CATSPERE: variants seen among roughly 807,000 people sequenced by gnomAD.
The protein encoded by CATSPERE is catsper channel auxiliary subunit epsilon, also known as cation channel sperm-associated auxiliary subunit epsilon.
A neutral mutation model predicts 114.1 loss-of-function variants in CATSPERE; 93 were observed. The observed-to-expected ratio is 0.81, with a 90% CI of 0.69 to 0.97. The LOEUF (loss-of-function observed/expected upper bound fraction) is 0.97. Ranked by LOEUF, CATSPERE falls within the 50% of genes least tolerant of loss-of-function variation. CATSPERE has a pLI of 0.00. For synonymous variants in CATSPERE, 341 were observed against 384.1 expected (o/e 0.89, Z 1.31); for missense variants, 1,058 against 1,131.6 (o/e 0.93, Z 0.93).
At chr1:244,566,280 C>G (rs1663475055) in intron 10 of CATSPERE, among the ~76,000 whole-genome samples, 1 of 152,118 alleles carries the variant, frequency 6.6e-6, no homozygotes, top group Non-Finnish European at 1.5e-5. Context: ...TGATGTGGTG[C>G]TGAGAAGAAC....
intron 17 of CATSPERE, among the ~76,000 whole-genome samples, chr1:244,596,363 C>A (rs1485468383): frequency 6.6e-6 from 1 of 152,174 alleles, no homozygotes; most frequent in Non-Finnish European, 1.5e-5. Flanking sequence ...TGCGATAGCC[C>A]TGCTCCGTCT....
Position 244,617,591 on chromosome 1 carries a change from G to T in CATSPERE, c.2553G>T (p.Glu851Asp), listed in dbSNP as rs1671558936. 1 of 1,543,594 alleles carries T rather than the reference G, an allele frequency of 6.5e-7. No homozygotes were observed. Among genetic ancestry groups the T allele is most frequent in the African/African-American group, 1.4e-5 (1 of 72,294 alleles). The change falls in exon 20 of 22, where the codon GAG (glutamate) becomes GAT (aspartate). Residue 851 changes from glutamate to aspartate, a missense_variant. Around this residue, in one of 2 missense-constraint regions of CATSPERE, gnomAD observed 787 missense variants for 905.6 expected, o/e 0.87. Coordinates refer to ENST00000366534, the MANE Select transcript of CATSPERE (RefSeq NM_001130957.2). ...CAGGAGACTTAAATCAACCATACGA[G>T]ATTATCAACAGTTCTAATGGTAACC... ...GKPGDLNQPY[E>D]IINSSNGNHI...
At chr1:244,502,379 G>A (rs1674186219) in intron 7 of CATSPERE, among the ~76,000 whole-genome samples, 2 of 151,800 alleles carry the variant, frequency 1.3e-5, no homozygotes, top group Admixed American at 6.6e-5. Context: ...ATAAAGTTGA[G>A]TTTTTGTTTC....
upstream of CATSPERE, among the ~76,000 whole-genome samples, chr1:244,456,739 G>A (rs1666195810): frequency 6.6e-6 from 1 of 152,138 alleles, no homozygotes; most frequent in African/African-American, 2.4e-5. Context: ...CACATGGACA[G>A]CCATGCCCCT....
chr1:244,534,694 T>C (rs1680112771), intron 8 of CATSPERE, among the ~76,000 whole-genome samples: 1 of 152,312 alleles, frequency 6.6e-6, no homozygotes, highest in East Asian at 1.9e-4. Flanking sequence ...TTTATCTGAG[T>C]TTCCTCAAAA....
At chr1:244,556,363 C>T (rs1250685288) in intron 9 of CATSPERE, among the ~76,000 whole-genome samples, 1 of 151,786 alleles carries the variant, frequency 6.6e-6, no homozygotes, top group Non-Finnish European at 1.5e-5. Flanking sequence ...AGGAACAAAA[C>T]CCTGAGGATA....
At chr1:244,487,931 C>G (rs148695974) in intron 5 of CATSPERE, among the ~76,000 whole-genome samples, 6 of 152,200 alleles carry the variant, frequency 3.9e-5, no homozygotes, top group Non-Finnish European at 5.9e-5. Context: ...AGTACAGGAC[C>G]CTTCTAAGCA....
At chr1:244,465,996 G>T (rs1667544929) in intron 2 of CATSPERE, among the ~76,000 whole-genome samples, 1 of 152,092 alleles carries the variant, frequency 6.6e-6, no homozygotes, top group African/African-American at 2.4e-5. Context: ...AGTATTCATT[G>T]GTTCCTAATT....
chr1:244,620,334 T>G (rs1671931425), intron 20 of CATSPERE, among the ~76,000 whole-genome samples: 1 of 152,198 alleles, frequency 6.6e-6, no homozygotes, highest in Admixed American at 6.5e-5. Flanking sequence ...ATTTGTTGTG[T>G]AAGATGTTCA....
intron 8 of CATSPERE, among the ~76,000 whole-genome samples, chr1:244,529,124 A>G (rs183466369): frequency 3.5e-4 from 54 of 152,320 alleles, no homozygotes; most frequent in African/African-American, 1.3e-3. Context: ...ATTATGAATT[A>G]TGCTGCAATA....
chr1:244,499,534 C>T (rs1220130557), intron 7 of CATSPERE, among the ~76,000 whole-genome samples: 1 of 143,566 alleles, frequency 7.0e-6, no homozygotes, highest in Non-Finnish European at 1.5e-5. Context: ...TGATGTTCCC[C>T]TCCCTGTGTT....
intron 12 of CATSPERE, among the ~76,000 whole-genome samples, chr1:244,582,959 AT>A (rs1666445709): frequency 8.0e-4 from 2 of 2,502 alleles, no homozygotes; most frequent in African/African-American, 1.6e-3. Flanking sequence ...ATATATATAT[AT>A]ATATATATAT....
chr1:244,528,389 C>G (rs1327713076), intron 8 of CATSPERE, among the ~76,000 whole-genome samples: 1 of 151,998 alleles, frequency 6.6e-6, no homozygotes, highest in Non-Finnish European at 1.5e-5. Context: ...ATGATAAAAG[C>G]AAATCATAGA....
intron 13 of CATSPERE, among the ~76,000 whole-genome samples, chr1:244,586,998 G>A (rs186485146): frequency 1.3e-5 from 2 of 152,194 alleles, no homozygotes; most frequent in Admixed American, 6.5e-5. Flanking sequence ...TTTAATATCT[G>A]TATAGTAATT....
chr1:244,612,032 C>A (rs74152138), intron 19 of CATSPERE, among the ~76,000 whole-genome samples: 7,529 of 152,222 alleles, frequency 0.049, 587 homozygotes, highest in African/African-American at 0.17. Flanking sequence ...GATCTGGGGA[C>A]TGCGTTTCAG....
intron 8 of CATSPERE, among the ~76,000 whole-genome samples, chr1:244,539,579 T>C (rs1658258539): frequency 6.9e-6 from 1 of 145,732 alleles, no homozygotes; most frequent in Non-Finnish European, 1.5e-5. Context: ...TCAGGTAGAA[T>C]TCGGCTGTGA....
chr1:244,595,697 C>T lies in CATSPERE; in HGVS notation c.2303+2119C>T, dbSNP rs562780207. Among the ~76,000 whole-genome samples the T allele has an allele frequency of 8.5e-5, 13 of 152,124 alleles. No individual in the cohort carries two copies. In the East Asian group the frequency reaches 1.6e-3, roughly 18 times the overall value. On this transcript the variant is annotated intron_variant, in intron 17 of 21. Transcript: ENST00000366534. ...CTGTAATCCCAGCACTTTGGGAGGCCGAGGCGGGCGGATCACGAGGTCAGG... is the reference window on the plus strand; with the variant it reads ...CTGTAATCCCAGCACTTTGGGAGGCTGAGGCGGGCGGATCACGAGGTCAGG...
intron 13 of CATSPERE, among the ~76,000 whole-genome samples, chr1:244,585,300 T>C (rs1053646061): frequency 6.6e-6 from 1 of 152,236 alleles, no homozygotes; most frequent in Non-Finnish European, 1.5e-5. Flanking sequence ...GCAATGCCTA[T>C]TACATAGTAA....
intron 11 of CATSPERE, among the ~76,000 whole-genome samples, chr1:244,578,351 C>T (rs1025370643): frequency 6.6e-6 from 1 of 152,056 alleles, no homozygotes; most frequent in African/African-American, 2.4e-5. Flanking sequence ...CAGGGTTTCA[C>T]GCTGTTGGCC....
Sources: gnomAD v4.1 joint callset for allele counts (sites outside exome capture counted in the v4.1 genomes callset) on GRCh38, gnomAD v4.1.1 for gene constraint, gnomAD v4.1.1 regional missense constraint, MANE v1.5 for transcripts, NCBI Gene and HGNC (gene_info 2026-07-23, HGNC 2026-07-21) for gene names.